ADORA2B: variants seen among roughly 807,000 people sequenced by gnomAD.
ADORA2B encodes adenosine A2b receptor.
Under a neutral mutation model 20.8 loss-of-function variants are expected in ADORA2B, and 18 were observed. The ratio of observed to expected loss-of-function variants is 0.87; its 90% CI spans 0.60 to 1.29. ADORA2B has a LOEUF of 1.29. Ranked by LOEUF, ADORA2B falls within the 50% of genes most tolerant of loss-of-function variation. The pLI, the probability that ADORA2B is intolerant of heterozygous loss-of-function variation, is 0.00. For synonymous variants in ADORA2B, 179 were observed against 178.3 expected (o/e 1.00, Z -0.03); for missense variants, 441 against 422.7 (o/e 1.04, Z -0.38).
the ADORA2B span, among the ~76,000 whole-genome samples, chr17:15,903,122 T>A: frequency 1.3e-5 from 2 of 152,250 alleles, no homozygotes; most frequent in African/African-American, 4.8e-5. Flanking sequence ...TGCAGTTTGC[T>A]TCATAACTGT....
chr17:15,931,287 C>T, the ADORA2B span, among the ~76,000 whole-genome samples: 4 of 152,224 alleles, frequency 2.6e-5, no homozygotes, highest in Non-Finnish European at 5.9e-5. Context: ...CTACCAAGAG[C>T]CTAAATCCAA....
chr17:15,891,439 T>C, the ADORA2B span, among the ~76,000 whole-genome samples: 1 of 152,250 alleles, frequency 6.6e-6, no homozygotes, highest in African/African-American at 2.4e-5. Context: ...TCACCAGACC[T>C]TTAATGTAAG....
chr17:15,969,733 C>T (rs904163493), intron 1 of ADORA2B, among the ~76,000 whole-genome samples: 2 of 152,234 alleles, frequency 1.3e-5, no homozygotes, highest in Admixed American at 6.5e-5. Flanking sequence ...TGGCCCAAGC[C>T]GACGTTGTCT....
At chr17:15,905,429 G>A in the ADORA2B span, among the ~76,000 whole-genome samples, 28 of 152,270 alleles carry the variant, frequency 1.8e-4, 1 homozygote, top group East Asian at 3.9e-3. Context: ...TCACCAGACT[G>A]GAGTGCAGTG....
the ADORA2B span, among the ~76,000 whole-genome samples, chr17:15,890,919 C>T: frequency 2.0e-4 from 30 of 152,308 alleles, no homozygotes; most frequent in Non-Finnish European, 2.8e-4. Flanking sequence ...ATGTGCAGCA[C>T]GAGGCCACTC....
At chr17:15,865,217 A>G in the ADORA2B span, among the ~76,000 whole-genome samples, 35 of 152,356 alleles carry the variant, frequency 2.3e-4, no homozygotes, top group African/African-American at 7.2e-4. Context: ...GTGAAACACT[A>G]TACACAAAGA....
the ADORA2B span, among the ~76,000 whole-genome samples, chr17:15,860,064 A>G: frequency 1.3e-5 from 2 of 152,230 alleles, no homozygotes; most frequent in African/African-American, 4.8e-5. Flanking sequence ...AGCACTGTGA[A>G]GCACTGTCCT....
the ADORA2B span, among the ~76,000 whole-genome samples, chr17:15,868,369 TAA>T: frequency 3.1e-5 from 4 of 129,758 alleles, no homozygotes; most frequent in African/African-American, 8.1e-5. Flanking sequence ...AATGATCAAT[TAA>T]AAAAAAAAAA....
At chr17:15,877,372 G>A in the ADORA2B span, among the ~76,000 whole-genome samples, 1 of 152,264 alleles carries the variant, frequency 6.6e-6, no homozygotes, top group South Asian at 2.1e-4. Flanking sequence ...GCTGACCCCT[G>A]CCTGGGCCTG....
the ADORA2B span, among the ~76,000 whole-genome samples, chr17:15,867,621 G>A: frequency 4.5e-4 from 67 of 149,320 alleles, no homozygotes; most frequent in Admixed American, 2.9e-3. Context: ...GAAGGGAGGC[G>A]GGGGGGTCAG....
At chr17:15,901,923 G>A in the ADORA2B span, among the ~76,000 whole-genome samples, 2 of 152,088 alleles carry the variant, frequency 1.3e-5, no homozygotes, top group Admixed American at 6.6e-5. Flanking sequence ...TTACAGTTCA[G>A]TGGTATTGAG....
chr17:15,971,629 ATTTTTT>A (rs34445090), intron 1 of ADORA2B, among the ~76,000 whole-genome samples: 2 of 127,944 alleles, frequency 1.6e-5, no homozygotes, highest in African/African-American at 3.0e-5. Context: ...TGTAATGGCC[ATTTTTT>A]TTTTTTTTTT....
the ADORA2B span, among the ~76,000 whole-genome samples, chr17:15,932,338 C>T: frequency 6.6e-6 from 1 of 151,798 alleles, no homozygotes; most frequent in Admixed American, 6.6e-5. Context: ...ACTAAAAATA[C>T]AAAAATTAGC....
chr17:15,936,914 C>CCACT, the ADORA2B span, among the ~76,000 whole-genome samples: 1 of 152,144 alleles, frequency 6.6e-6, no homozygotes, highest in East Asian at 1.9e-4. Context: ...CATGATTGTG[C>CCACT]CACTGCACTC....
upstream of ADORA2B, among the ~76,000 whole-genome samples, chr17:15,941,820 A>T (rs949285762): frequency 1.3e-5 from 2 of 151,678 alleles, no homozygotes; most frequent in Non-Finnish European, 1.5e-5. Context: ...TGTTAATAAT[A>T]ATTATTATAA....
the ADORA2B span, among the ~76,000 whole-genome samples, chr17:15,855,988 T>C: frequency 2.0e-5 from 3 of 151,984 alleles, no homozygotes; most frequent in African/African-American, 4.8e-5. Flanking sequence ...CACTCTACTC[T>C]CTGCTTCTCT....
chr17:15,944,099 G>A (rs1969767994), upstream of ADORA2B, among the ~76,000 whole-genome samples: 1 of 152,186 alleles, frequency 6.6e-6, no homozygotes, highest in African/African-American at 2.4e-5. This position sits in a 1 kb window ranked among gnomAD's most constrained non-coding sequence, Gnocchi z 4.8. Flanking sequence ...TCATTGGGAC[G>A]TGGAGAAAGG....
chr17:15,868,815 A>G, the ADORA2B span, among the ~76,000 whole-genome samples: 1,087 of 150,618 alleles, frequency 7.2e-3, 13 homozygotes, highest in Middle Eastern at 0.027. Context: ...ACCAAATAGC[A>G]CGTTTTTAAA....
the ADORA2B span, among the ~76,000 whole-genome samples, chr17:15,923,206 A>ATTCTTTTTT: frequency 4.4e-5 from 5 of 113,508 alleles, no homozygotes; most frequent in African/African-American, 1.8e-4. Context: ...TCTTTTTTTA[A>ATTCTTTTTT]TTTTTTTTTT....
Sources: allele counts gnomAD v4.1 joint callset (sites outside exome capture counted in the v4.1 genomes callset), GRCh38; gene constraint gnomAD v4.1.1; non-coding constraint Gnocchi (gnomAD v3.1); transcripts MANE v1.5; gene names NCBI Gene and HGNC (gene_info 2026-07-23, HGNC 2026-07-21).